Variants in CNTNAP2 observed in about 807,000 individuals in gnomAD.
The protein encoded by CNTNAP2 is contactin-associated protein-like 2.
Under a neutral mutation model 155.2 loss-of-function variants are expected in CNTNAP2, and 98 were observed. The observed-to-expected ratio is 0.63, with a 90% CI of 0.54 to 0.75. CNTNAP2 has a LOEUF of 0.75. Among genes scored for constraint, CNTNAP2 ranks in the 30% least tolerant of loss-of-function variants. The pLI is 0.00. For synonymous variants in CNTNAP2, 651 were observed against 631.2 expected, an observed-to-expected ratio of 1.03 and a Z score of -0.47; for missense variants, 1,727 against 1,688.1, an observed-to-expected ratio of 1.02 and a Z score of -0.40.
At chr7:147,508,784 G>T (rs937157642) in intron 11 of CNTNAP2, among the ~76,000 whole-genome samples, 1 of 152,050 alleles carries the variant, frequency 6.6e-6, no homozygotes, top group South Asian at 2.1e-4. Flanking sequence ...ACTCTCTCTT[G>T]CCTGACACTA....
intron 12 of CNTNAP2, among the ~76,000 whole-genome samples, chr7:147,590,339 G>A (rs995169633): frequency 7.9e-5 from 12 of 152,044 alleles, no homozygotes; most frequent in Non-Finnish European, 1.8e-4. Context: ...CATCAAGGGC[G>A]GAAGCAGGTG....
intron 1 of CNTNAP2, among the ~76,000 whole-genome samples, chr7:146,338,820 T>C (rs1332461793): frequency 3.3e-5 from 5 of 152,158 alleles, no homozygotes; most frequent in Admixed American, 3.3e-4. Flanking sequence ...GTTACAAGTG[T>C]ATTTTATATA....
At chr7:146,516,945 G>A (rs1797550381) in intron 1 of CNTNAP2, among the ~76,000 whole-genome samples, 1 of 151,966 alleles carries the variant, frequency 6.6e-6, no homozygotes, top group Non-Finnish European at 1.5e-5. Flanking sequence ...ACATATTACA[G>A]TAGTCCTCCC....
At chr7:148,176,920 A>G (rs1170198516) in intron 18 of CNTNAP2, among the ~76,000 whole-genome samples, 2 of 152,198 alleles carry the variant, frequency 1.3e-5, no homozygotes, top group African/African-American at 2.4e-5. Flanking sequence ...CATGCCAAAG[A>G]TAGTTTTCTA....
chr7:147,742,640 C>T (rs143872148), intron 13 of CNTNAP2, among the ~76,000 whole-genome samples: 1 of 152,286 alleles, frequency 6.6e-6, no homozygotes, highest in Non-Finnish European at 1.5e-5. Context: ...TAAGGTTTCG[C>T]TCATGTAGAG....
chr7:147,084,293 CTATA>C (rs1800218196), intron 4 of CNTNAP2, among the ~76,000 whole-genome samples: 1 of 32,450 alleles, frequency 3.1e-5, no homozygotes, highest in Non-Finnish European at 5.1e-5. Flanking sequence ...ATGCATAATG[CTATA>C]TATGTATATA....
intron 1 of CNTNAP2, among the ~76,000 whole-genome samples, chr7:146,760,846 A>G (rs574633132): frequency 4.6e-5 from 7 of 152,276 alleles, no homozygotes; most frequent in African/African-American, 1.7e-4. Flanking sequence ...ACCATATCAT[A>G]TAACTACACT....
At chr7:148,137,682 AAGGAAGGAAGGAAG>A (rs2116638281) in intron 16 of CNTNAP2, among the ~76,000 whole-genome samples, 5 of 94,744 alleles carry the variant, frequency 5.3e-5, no homozygotes, top group African/African-American at 2.2e-4. Flanking sequence ...GGAAGGAAGG[AAGGAAGGAAGGAAG>A]GAAGGAAGGA....
intron 3 of CNTNAP2, among the ~76,000 whole-genome samples, chr7:146,880,616 T>A (rs750774554): frequency 2.0e-5 from 3 of 152,234 alleles, no homozygotes; most frequent in South Asian, 2.1e-4. Flanking sequence ...CATTATGTTT[T>A]CCCTCTTTAT....
intron 21 of CNTNAP2, among the ~76,000 whole-genome samples, chr7:148,281,804 A>G (rs1796976837): frequency 6.6e-6 from 1 of 150,770 alleles, no homozygotes; most frequent in Non-Finnish European, 1.5e-5. Context: ...AATGAAGCCA[A>G]GGTCACATAG....
chr7:148,350,686 T>G (rs1182918120), intron 21 of CNTNAP2, among the ~76,000 whole-genome samples: 1 of 152,210 alleles, frequency 6.6e-6, no homozygotes, highest in Non-Finnish European at 1.5e-5. Context: ...ACAGATCGAG[T>G]TTATTTCTTG....
At chr7:147,262,337 C>G (rs1584827990) in intron 8 of CNTNAP2, among the ~76,000 whole-genome samples, 1 of 152,164 alleles carries the variant, frequency 6.6e-6, no homozygotes, top group Non-Finnish European at 1.5e-5. Context: ...CCCCACAAAT[C>G]ATATGTTGAA....
At chr7:147,618,430 C>A (rs961327114) in intron 12 of CNTNAP2, among the ~76,000 whole-genome samples, 2 of 152,058 alleles carry the variant, frequency 1.3e-5, no homozygotes, top group African/African-American at 4.8e-5. Flanking sequence ...TGGAAAAAAT[C>A]TCTCTGATTA....
At chr7:148,069,096 G>C (rs1449377463) in intron 15 of CNTNAP2, among the ~76,000 whole-genome samples, 2 of 152,170 alleles carry the variant, frequency 1.3e-5, no homozygotes, top group Non-Finnish European at 2.9e-5. Flanking sequence ...CTGTCTCTCA[G>C]ACATAACTGC....
chr7:146,127,021 C>A (rs1055818435), intron 1 of CNTNAP2, among the ~76,000 whole-genome samples: 2 of 152,152 alleles, frequency 1.3e-5, no homozygotes, highest in African/African-American at 4.8e-5. Flanking sequence ...AAACACAAAT[C>A]TTGTTATAGT....
chr7:146,635,702 C>T (rs1475308382), intron 1 of CNTNAP2, among the ~76,000 whole-genome samples: 1 of 151,896 alleles, frequency 6.6e-6, no homozygotes, highest in Non-Finnish European at 1.5e-5. Context: ...TTAGTAATTG[C>T]TGTGTTTGTT....
At chr7:148,293,157 A>G (rs952886331) in intron 21 of CNTNAP2, among the ~76,000 whole-genome samples, 11 of 152,134 alleles carry the variant, frequency 7.2e-5, no homozygotes, top group Non-Finnish European at 1.6e-4. Flanking sequence ...TTTTCTTTGT[A>G]ACTCTTCACC....
chr7:146,872,385 T>C (rs1795331036), intron 3 of CNTNAP2, among the ~76,000 whole-genome samples: 1 of 152,188 alleles, frequency 6.6e-6, no homozygotes, highest in South Asian at 2.1e-4. Flanking sequence ...GCCTGTACTT[T>C]AACGTAAACC....
chr7:146,811,335 T>C (rs1803062233), intron 2 of CNTNAP2, among the ~76,000 whole-genome samples: 1 of 152,198 alleles, frequency 6.6e-6, no homozygotes, highest in South Asian at 2.1e-4. Context: ...TGATCTCAAA[T>C]AGCCTATTTC....
Sources: allele counts gnomAD v4.1 joint callset (sites outside exome capture counted in the v4.1 genomes callset), GRCh38; gene constraint gnomAD v4.1.1; transcripts MANE v1.5; gene names NCBI Gene and HGNC (gene_info 2026-07-23, HGNC 2026-07-21).